The following NTNG1 variants were observed in gnomAD, a reference collection of about 807,000 sequenced individuals.
The protein encoded by NTNG1 is netrin-G1.
A neutral mutation model predicts 54.0 loss-of-function variants in NTNG1; 16 were observed. The observed-to-expected ratio is 0.30, with a 90% confidence interval of 0.20 to 0.45. The LOEUF (loss-of-function observed/expected upper bound fraction) is 0.45. Ranked by LOEUF, NTNG1 falls within the 20% of genes least tolerant of loss-of-function variation. The pLI, the probability that NTNG1 is intolerant of heterozygous loss-of-function variation, is 1.00. For synonymous variants in NTNG1, 255 were observed against 263.1 expected (o/e 0.97, Z 0.30); for missense variants, 530 against 678.7 (o/e 0.78, Z 2.43).
At chr1:107,310,822 C>T (rs185838202) in intron 2 of NTNG1, among the ~76,000 whole-genome samples, 231 of 152,104 alleles carry the variant, frequency 1.5e-3, no homozygotes, top group Non-Finnish European at 2.7e-3. Context: ...GTGACAAGAC[C>T]AGGTTTAATG....
rs34891241 is a variant in NTNG1, at chr1:107,484,519, G to A, written c.*3679G>A. 0.21 allele frequency among the ~76,000 whole-genome samples: 31,900 copies of A among 152,142 alleles called. 4,044 individuals carry two copies. The highest frequency in any genetic ancestry group is 0.33 in the East Asian group (1,683 of 5,160). ...CAAGATCCTGCAGACATTTGGGGTC[G>A]ATCTGCCTGAGGTGCCCTTGAGTCA... is the stretch of plus-strand genomic sequence containing the variant. On this transcript the variant is annotated 3_prime_UTR_variant, in exon 8 of 8. Transcript: ENST00000370068.
At chr1:107,384,632 T>C (rs1378087789) in intron 3 of NTNG1, among the ~76,000 whole-genome samples, 1 of 152,124 alleles carries the variant, frequency 6.6e-6, no homozygotes, top group African/African-American at 2.4e-5. Flanking sequence ...GACAAGAAAA[T>C]CCCATCAACC....
At chr1:107,418,619 C>T (rs757337875) in intron 5 of NTNG1, 43 of 1,602,974 alleles carry the variant, frequency 2.7e-5, no homozygotes, top group Non-Finnish European at 3.6e-5. Flanking sequence ...AATATTTCTT[C>T]CCTTGAGGTT....
chr1:107,363,803 A>T (rs1437083696), intron 3 of NTNG1, among the ~76,000 whole-genome samples: 2 of 152,208 alleles, frequency 1.3e-5, no homozygotes, highest in African/African-American at 4.8e-5. Context: ...CAACATGCAC[A>T]TGTATATTTC....
chr1:107,342,173 G>T (rs920509391), intron 3 of NTNG1, among the ~76,000 whole-genome samples: 1 of 151,942 alleles, frequency 6.6e-6, no homozygotes, highest in Non-Finnish European at 1.5e-5. Flanking sequence ...AAGCATTTTG[G>T]TGGGTTTAGG....
At chr1:107,206,452 T>G (rs1291479820) in intron 2 of NTNG1, among the ~76,000 whole-genome samples, 1 of 152,158 alleles carries the variant, frequency 6.6e-6, no homozygotes, top group Non-Finnish European at 1.5e-5. Flanking sequence ...TGATGGACTT[T>G]TAGTCAAGTC....
At chr1:107,377,127 T>G (rs1671333679) in intron 3 of NTNG1, among the ~76,000 whole-genome samples, 1 of 152,214 alleles carries the variant, frequency 6.6e-6, no homozygotes, top group Admixed American at 6.5e-5. Flanking sequence ...TCCCCCAGTT[T>G]TGGACACATA....
intron 5 of NTNG1, among the ~76,000 whole-genome samples, chr1:107,415,436 G>T (rs546460525): frequency 6.6e-6 from 1 of 152,256 alleles, no homozygotes; most frequent in South Asian, 2.1e-4. Flanking sequence ...AAAACCACTG[G>T]AGTGATGAAA....
intron 2 of NTNG1, among the ~76,000 whole-genome samples, chr1:107,188,689 T>C (rs1657657941): frequency 6.6e-6 from 1 of 152,112 alleles, no homozygotes; most frequent in Non-Finnish European, 1.5e-5. Flanking sequence ...AACATTATAT[T>C]TGGGTCTCTT....
At chr1:107,346,912 A>G (rs983028570) in intron 3 of NTNG1, among the ~76,000 whole-genome samples, 5 of 150,548 alleles carry the variant, frequency 3.3e-5, no homozygotes, top group African/African-American at 4.9e-5. Flanking sequence ...AAAAAAAATG[A>G]AAAATCCTTT....
intron 3 of NTNG1, among the ~76,000 whole-genome samples, chr1:107,394,319 T>A (rs1672549200): frequency 6.6e-6 from 1 of 152,212 alleles, no homozygotes; most frequent in Admixed American, 6.5e-5. Context: ...TGGGATGTAT[T>A]TTTGTGGAAA....
chr1:107,246,163 T>G (rs1213514558), intron 2 of NTNG1, among the ~76,000 whole-genome samples: 1 of 152,170 alleles, frequency 6.6e-6, no homozygotes, highest in Non-Finnish European at 1.5e-5. Flanking sequence ...GCCATTCTCC[T>G]GCCTCAGCCT....
intron 7 of NTNG1, among the ~76,000 whole-genome samples, chr1:107,444,993 A>G (rs1023434041): frequency 6.6e-6 from 1 of 152,148 alleles, no homozygotes; most frequent in South Asian, 2.1e-4. Flanking sequence ...CTACATATAT[A>G]AAGATAATGT....
chr1:107,332,548 T>G (rs1009662539), intron 3 of NTNG1, among the ~76,000 whole-genome samples: 1 of 152,110 alleles, frequency 6.6e-6, no homozygotes, highest in African/African-American at 2.4e-5. Context: ...ATCTTTGGAA[T>G]GTCTTGCTGT....
chr1:107,262,865 C>A (rs1663447519), intron 2 of NTNG1, among the ~76,000 whole-genome samples: 2 of 152,184 alleles, frequency 1.3e-5, no homozygotes, highest in Admixed American at 1.3e-4. Context: ...AGAGATGAAA[C>A]ACTTTTTCGC....
intron 2 of NTNG1, among the ~76,000 whole-genome samples, chr1:107,294,849 T>C (rs1442681255): frequency 2.0e-5 from 3 of 152,106 alleles, no homozygotes; most frequent in Non-Finnish European, 2.9e-5. Flanking sequence ...ATATAATGAG[T>C]TCTAGGCCTG....
intron 5 of NTNG1, among the ~76,000 whole-genome samples, chr1:107,414,333 A>C (rs988395939): frequency 6.6e-6 from 1 of 152,302 alleles, no homozygotes. Flanking sequence ...ATTGTCATGT[A>C]ACAGTTTGGG....
intron 2 of NTNG1, among the ~76,000 whole-genome samples, chr1:107,248,041 CTTTTTTCT>C (rs774887702): frequency 5.9e-5 from 9 of 152,306 alleles, no homozygotes; most frequent in Middle Eastern, 6.8e-3. Flanking sequence ...CGGTAGTAGA[CTTTTTTCT>C]TTTTTTCTTT....
intron 3 of NTNG1, among the ~76,000 whole-genome samples, chr1:107,334,668 G>A (rs1427951301): frequency 2.0e-5 from 3 of 151,864 alleles, no homozygotes; most frequent in Non-Finnish European, 2.9e-5. Context: ...ATGTGAAACA[G>A]AATGGTTAAA....
Sources: allele counts gnomAD v4.1 joint callset (sites outside exome capture counted in the v4.1 genomes callset), GRCh38; gene constraint gnomAD v4.1.1; transcripts MANE v1.5; gene names NCBI Gene and HGNC (gene_info 2026-07-23, HGNC 2026-07-21).